Variants in RBM43 observed in about 807,000 individuals in gnomAD.
RBM43 encodes RNA-binding protein 43.
A neutral mutation model predicts 12.4 loss-of-function variants in RBM43; 12 were observed. The observed-to-expected ratio is 0.97, with a 90% confidence interval of 0.62 to 1.57. RBM43 has a LOEUF of 1.57. RBM43 is among the 40% of genes most tolerant of loss of function. The probability of loss-of-function intolerance (pLI) is 0.00; values close to 1 mark genes in which losing one functional copy is unlikely to be tolerated. For missense variants in RBM43, 348 were observed against 400.1 expected (o/e 0.87, Z 1.11); for synonymous variants, 138 against 145.7 (o/e 0.95, Z 0.38).
At chr2:151,259,910 C>A (rs1294687716) in intron 1 of RBM43, among the ~76,000 whole-genome samples, 8 of 151,710 alleles carry the variant, frequency 5.3e-5, no homozygotes, top group Admixed American at 5.3e-4. Flanking sequence ...CTGTCACCTA[C>A]GCTGGAGTGC....
At chr2:151,255,114 T>C (rs1682954590) in intron 2 of RBM43, among the ~76,000 whole-genome samples, 1 of 145,474 alleles carries the variant, frequency 6.9e-6, no homozygotes, top group Non-Finnish European at 1.5e-5. Flanking sequence ...AATAAAATAT[T>C]TTTTTTTAAA....
At chr2:151,261,122 C>A in intron 1 of RBM43, 17 of 1,092,292 alleles carry the variant, frequency 1.6e-5, no homozygotes, top group Non-Finnish European at 2.2e-5. Context: ...AAAGGCCTTG[C>A]CAAGGCTTTT....
At chr2:151,261,503 C>T in intron 1 of RBM43, 1 of 1,550,038 alleles carries the variant, frequency 6.5e-7, no homozygotes, top group Non-Finnish European at 8.7e-7. Flanking sequence ...GCGCGCAATG[C>T]CGCCACCTGG....
chr2:151,258,725 C>T (rs1270595625), intron 1 of RBM43, among the ~76,000 whole-genome samples: 1 of 152,016 alleles, frequency 6.6e-6, no homozygotes, highest in Admixed American at 6.6e-5. Context: ...CCTGAATGAA[C>T]ACTTCAGAGA....
At position 151,250,870 on chromosome 2, in the gene RBM43, G is replaced by C; in HGVS notation, c.*36C>G. ...TGGCAATGGTCACTGCTCAGCAAGA[G>C]AAAGCAGCCCTTATGACTATATTGC... On this transcript the variant is annotated 3_prime_UTR_variant, in exon 4 of 4. Coordinates refer to ENST00000331426, the MANE Select transcript of RBM43 (RefSeq NM_198557.3). The C allele has an allele frequency of 6.7e-7, 1 of 1,493,366 alleles. No individual in the cohort carries two copies. Among genetic ancestry groups the C allele is most frequent in the Admixed American group, 2.1e-5 (1 of 48,304 alleles). The allele number at this position is 1,493,366 out of a possible 1,614,324, so 92.5% of individuals were successfully genotyped here.
Position 151,251,167 on chromosome 2 carries a change from G to T in RBM43, c.813C>A (p.Asn271Lys). The T allele has an allele frequency of 6.2e-7, 1 of 1,613,864 alleles. No homozygotes were observed. The highest frequency in any genetic ancestry group is 8.5e-7 in the Non-Finnish European group (1 of 1,179,968). The change falls in exon 4 of 4, where the codon AAC becomes AAA. Residue 271 changes from asparagine to lysine, a missense_variant. By Grantham distance (94) the Asn-to-Lys change is moderately conservative. Coordinates refer to ENST00000331426, the MANE Select transcript of RBM43 (RefSeq NM_198557.3). ...TGAGCTCTTTTACATGTTTTGCATT[G>T]TTTGGCTGAGAACCAACTTGAATGC... The part of the protein sequence containing the change: ...LKSIQVGSQP[N>K]NAKHVKELIE...
chr2:151,251,060 C>A lies in RBM43; in HGVS notation c.920G>T (p.Arg307Ile). The change falls in exon 4 of 4, where the codon AGA (arginine) becomes ATA (isoleucine). Residue 307 changes from arginine to isoleucine, a missense_variant. Physicochemically the swap from Arg to Ile is moderately conservative, Grantham distance 97. Transcript: ENST00000331426. ...TTGTTCACATGCCCTTTTGATCATT[C>A]TTTTCTCTCTATTTTCCTTTCCTTC... ...ILEGKENREK[R>I]MIKRACEQLS... The A allele has an allele frequency of 1.9e-6, 3 of 1,614,006 alleles. No individual in the cohort carries two copies. Among genetic ancestry groups the A allele is most frequent in the Non-Finnish European group, 2.5e-6 (3 of 1,179,962 alleles).
At chr2:151,259,419 G>T (rs1266234736) in intron 1 of RBM43, among the ~76,000 whole-genome samples, 1 of 152,114 alleles carries the variant, frequency 6.6e-6, no homozygotes, top group African/African-American at 2.4e-5. Context: ...GATGAGGTGG[G>T]CAGATCACTT....
At chr2:151,261,550 G>A (rs1322600726) in intron 1 of RBM43, 175 bp downstream of exon 1, 22 of 1,544,114 alleles carry the variant, frequency 1.4e-5, no homozygotes, top group Non-Finnish European at 1.7e-5. Flanking sequence ...TTTGCCCGCC[G>A]GGGTGGACGG....
At chr2:151,261,242 C>G (rs1303591917) in intron 1 of RBM43, 2 of 1,541,228 alleles carry the variant, frequency 1.3e-6, no homozygotes, top group African/African-American at 1.4e-5. Flanking sequence ...TCCTGACTTG[C>G]GTCCTTGGCT....
rs1682896049 is a variant in RBM43, at chr2:151,251,114, AAGT to A, written c.863_865del (p.Tyr288del). On this transcript the variant is annotated inframe_deletion, in exon 4 of 4. Coordinates refer to ENST00000331426, the MANE Select transcript of RBM43 (RefSeq NM_198557.3). Reference sequence around the variant, plus strand: ...AATAAATGTCTCTTTTCTAAGCTTTAAGTAAAGAGCATGTGACCATTCCTCAAT... The same window carrying A: ...AATAAATGTCTCTTTTCTAAGCTTTAAAAGAGCATGTGACCATTCCTCAAT... 1.2e-6 allele frequency: 2 copies of A among 1,613,024 alleles called. No homozygotes were observed. Among genetic ancestry groups the A allele is most frequent in the Admixed American group, 1.7e-5 (1 of 59,966 alleles).
intron 1 of RBM43, among the ~76,000 whole-genome samples, chr2:151,257,687 C>G (rs2105192804): frequency 6.6e-6 from 1 of 152,026 alleles, no homozygotes; most frequent in South Asian, 2.1e-4. Context: ...GAGTGAAACT[C>G]CTTCACAAAA....
chr2:151,251,030 C>CTTAA lies in RBM43; in HGVS notation c.946_949dup (p.Ser317IlefsTer7). The CTTAA allele has an allele frequency of 6.2e-7, 1 of 1,614,074 alleles. No homozygotes were observed. Among genetic ancestry groups the CTTAA allele is most frequent in the Non-Finnish European group, 8.5e-7 (1 of 1,179,928 alleles). On this transcript the variant is annotated frameshift_variant, in exon 4 of 4. Coordinates refer to ENST00000331426, the MANE Select transcript of RBM43 (RefSeq NM_198557.3). LOFTEE classifies it low-confidence loss of function (END_TRUNC). ...AATCAGGACTTCAAGGTATCTCGAA[C>CTTAA]TTAATTGTTCACATGCCCTTTTGAT...
Position 151,255,670 on chromosome 2 carries a change from A to T in RBM43, c.77T>A (p.Leu26His). ...TVVVAGLPVD[L>H]FSDQLLAVLV... is the part of the protein sequence containing the mutation. Reference sequence around the variant, plus strand: ...TACGGCCAATAATTGATCACTAAAAAGGTCAACTGGAAGACCAGCAACTAC... The same window carrying T: ...TACGGCCAATAATTGATCACTAAAATGGTCAACTGGAAGACCAGCAACTAC... Residue 26 changes from leucine (L) to histidine (H), a missense_variant, in exon 2 of 4, where the codon CTT becomes CAT. By Grantham distance (99) the Leu-to-His change is moderately conservative. Coordinates refer to ENST00000331426, the MANE Select transcript of RBM43 (RefSeq NM_198557.3). 3 of 1,614,028 alleles carry T rather than the reference A, an allele frequency of 1.9e-6. No individual in the cohort carries two copies. Among genetic ancestry groups the T allele is most frequent in the East Asian group, 4.5e-5 (2 of 44,874 alleles).
Position 151,261,649 on chromosome 2 carries a change from C to T in RBM43, c.3+76G>A, listed in dbSNP as rs931536766. 12 of 1,559,918 alleles carry T rather than the reference C, an allele frequency of 7.7e-6. No homozygotes were observed. In the African/African-American group the frequency reaches 1.5e-4, roughly 19 times the overall value. On this transcript the variant is annotated intron_variant, in intron 1 of 3. Coordinates refer to ENST00000331426, the MANE Select transcript of RBM43 (RefSeq NM_198557.3). ...CACCCTGGCCCGTCGCGCCCGGTTC[C>T]GCGCCCTTCTAGGGGACCATGGCGA...
At chr2:151,259,109 G>A (rs988110128) in intron 1 of RBM43, among the ~76,000 whole-genome samples, 1 of 150,858 alleles carries the variant, frequency 6.6e-6, no homozygotes, top group Admixed American at 6.7e-5. Flanking sequence ...ACTCCAGCCT[G>A]CCTGGGCAAT....
intron 1 of RBM43, among the ~76,000 whole-genome samples, chr2:151,257,181 G>A (rs998043749): frequency 5.3e-5 from 8 of 152,286 alleles, no homozygotes; most frequent in African/African-American, 1.2e-4. Flanking sequence ...GGGCTACAGC[G>A]ATGGTTAGCA....
rs1019241523 is a variant in RBM43, at chr2:151,248,764, C to T, written c.*2142G>A. On this transcript the variant is annotated 3_prime_UTR_variant, in exon 4 of 4. Coordinates refer to ENST00000331426, the MANE Select transcript of RBM43 (RefSeq NM_198557.3). ...TTTGAGAGCTCATTTCGTGGGTGCT[C>T]TGATTTAATGTCAACTATGCAAAAG... The T allele has an allele frequency of 3.9e-5, 6 of 152,194 alleles. 1 individual carries two copies. In the South Asian group the frequency reaches 1.0e-3, roughly 26 times the overall value. 9.4% of individuals were successfully genotyped at this position (152,194 alleles called of 1,614,324 possible).
intron 2 of RBM43, among the ~76,000 whole-genome samples, chr2:151,253,364 G>A (rs1045785935): frequency 2.0e-5 from 3 of 152,080 alleles, no homozygotes; most frequent in African/African-American, 4.8e-5. Flanking sequence ...TACGTGAATC[G>A]CTTTCAAAAT....
Sources: gnomAD v4.1 joint callset for allele counts (sites outside exome capture counted in the v4.1 genomes callset) on GRCh38, gnomAD v4.1.1 for gene constraint, MANE v1.5 for transcripts, NCBI Gene and HGNC (gene_info 2026-07-23, HGNC 2026-07-21) for gene names.